TMC5: variants seen among roughly 807,000 people sequenced by gnomAD.
TMC5 encodes transmembrane channel like 5.
TMC5 carries 86 observed loss-of-function variants against 110.5 expected under a neutral mutation model. The observed-to-expected ratio is 0.78, with a 90% CI of 0.65 to 0.93. TMC5 has a LOEUF of 0.93. Among genes scored for constraint, TMC5 ranks in the 40% least tolerant of loss-of-function variants. The pLI is 0.00. For missense variants in TMC5, 1,144 were observed against 1,222.8 expected, an observed-to-expected ratio of 0.94 and a Z score of 0.96; for synonymous variants, 455 against 439.5, an observed-to-expected ratio of 1.04 and a Z score of -0.44.
intron 5 of TMC5, among the ~76,000 whole-genome samples, chr16:19,458,032 G>A (rs1967930756): frequency 6.6e-6 from 1 of 151,568 alleles, no homozygotes; most frequent in Admixed American, 6.6e-5. Flanking sequence ...CCAGCCTCAA[G>A]CCTGCATCCT....
intron 1 of TMC5, among the ~76,000 whole-genome samples, chr16:19,420,448 TAAA>T (rs567734674): frequency 2.0e-5 from 3 of 150,144 alleles, no homozygotes; most frequent in Non-Finnish European, 3.0e-5. Flanking sequence ...TAAAAAAAAT[TAAA>T]AATCAACTAA....
At chr16:19,478,120 C>T (rs1260755640) in intron 13 of TMC5, among the ~76,000 whole-genome samples, 1 of 152,212 alleles carries the variant, frequency 6.6e-6, no homozygotes, top group Admixed American at 6.5e-5. Context: ...AAGCCAGCCT[C>T]CCTGGCCTTC....
Position 19,460,246 on chromosome 16 carries a change from A to T in TMC5, c.1060A>T (p.Ile354Phe). The change falls in exon 6 of 22, where the codon ATC becomes TTC. Residue 354 changes from isoleucine to phenylalanine, a missense_variant. Ile to Phe is a conservative substitution (Grantham distance 21, BLOSUM62 0). Transcript: ENST00000542583. ...WHKSPQGQKL[I>F]ASLIPMTSRD... ...AATTTCTTTCATAGGACAGAAGTTA[A>T]TCGCATCCCTTATACCCATGACATC... The T allele has an allele frequency of 6.2e-7, 1 of 1,612,120 alleles. No homozygotes were observed. The highest frequency in any genetic ancestry group is 8.5e-7 in the Non-Finnish European group (1 of 1,178,680).
intron 12 of TMC5, 22 bp downstream of exon 12, chr16:19,474,298 A>G: frequency 6.2e-7 from 1 of 1,607,730 alleles, no homozygotes; most frequent in Non-Finnish European, 8.5e-7. Context: ...GTCGCGCCCA[A>G]CACCAGCCTC....
intron 1 of TMC5, among the ~76,000 whole-genome samples, chr16:19,428,650 T>C (rs1967134625): frequency 6.6e-6 from 1 of 152,222 alleles, no homozygotes; most frequent in African/African-American, 2.4e-5. Context: ...AGCTTCTGAC[T>C]CTTTCTCACT....
intron 3 of TMC5, among the ~76,000 whole-genome samples, chr16:19,443,864 AATGG>A (rs1967546443): frequency 2.8e-5 from 4 of 140,738 alleles, no homozygotes. Context: ...CAGATGAATC[AATGG>A]ATGGATGAAT....
chr16:19,483,778 CAAAAAGAAAA>C (rs1403055298), intron 15 of TMC5, among the ~76,000 whole-genome samples: 3 of 122,190 alleles, frequency 2.5e-5, no homozygotes, highest in African/African-American at 1.4e-4. Flanking sequence ...AACTCTGTCT[CAAAAAGAAAA>C]GAAAAGAAAA....
exon 1 of TMC5, chr16:19,411,170 C>T (rs1966854979): frequency 6.6e-6 from 1 of 152,108 alleles, no homozygotes; most frequent in African/African-American, 2.4e-5. Flanking sequence ...TCACCATGTC[C>T]GATCCGGTAA....
rs1241620498 is a variant in TMC5 at position 19,472,166 on chromosome 16, G to C, written c.1861G>C (p.Val621Leu). ...GCTGACCCGCTTCTCTGCCTACATG[G>C]TAGCCTGGGTTGTCTCTACAGGAGT... ...QLLTRFSAYM[V>L]AWVVSTGVAI... Residue 621 changes from valine to leucine, a missense_variant, in exon 11 of 22, where the codon GTA becomes CTA. Physicochemically the swap from Val to Leu is conservative, Grantham distance 32. Coordinates refer to ENST00000542583, the MANE Select transcript of TMC5 (RefSeq NM_001261841.2). 6.2e-7 allele frequency: 1 copy of C among 1,614,190 alleles called. No homozygotes were observed. The highest frequency in any genetic ancestry group is 2.2e-5 in the East Asian group (1 of 44,876).
intron 17 of TMC5, among the ~76,000 whole-genome samples, chr16:19,489,583 C>G (rs927067631): frequency 6.6e-6 from 1 of 151,846 alleles, no homozygotes; most frequent in Non-Finnish European, 1.5e-5. Flanking sequence ...ATCCACCCGC[C>G]TCGGCCTCCC....
At chr16:19,450,462 T>C (rs1162999682) in intron 5 of TMC5, among the ~76,000 whole-genome samples, 2 of 152,220 alleles carry the variant, frequency 1.3e-5, no homozygotes, top group East Asian at 3.8e-4. Context: ...TGGTTTCCCA[T>C]CCATTTCTCA....
chr16:19,459,456 CA>C (rs1967965269), intron 5 of TMC5, among the ~76,000 whole-genome samples: 1 of 151,976 alleles, frequency 6.6e-6, no homozygotes, highest in African/African-American at 2.4e-5. Context: ...AACCTGGGGT[CA>C]GGGGCAAAAG....
chr16:19,498,052 G>T lies in TMC5; in HGVS notation c.*86G>T. Reference sequence around the variant, plus strand: ...TCTTCCATGCCACCTGTGCCTTTAGGAACTGCCCAGAAGAAAATCCAAGGC... The same window carrying T: ...TCTTCCATGCCACCTGTGCCTTTAGTAACTGCCCAGAAGAAAATCCAAGGC... On this transcript the variant is annotated 3_prime_UTR_variant, in exon 22 of 22. Transcript: ENST00000542583. The T allele has an allele frequency of 7.6e-7, 1 of 1,314,524 alleles. No homozygotes were observed. The highest frequency in any genetic ancestry group is 1.2e-5 in the South Asian group (1 of 84,878). The allele number at this position is 1,314,524 out of a possible 1,614,324, so 81.4% of individuals were successfully genotyped here.
chr16:19,454,542 C>A (rs916036668), intron 5 of TMC5, among the ~76,000 whole-genome samples: 5 of 152,104 alleles, frequency 3.3e-5, no homozygotes, highest in Non-Finnish European at 7.3e-5. Context: ...TACTTCATAG[C>A]GTAAATGTTG....
At chr16:19,476,377 A>G (rs1009846091) in intron 12 of TMC5, among the ~76,000 whole-genome samples, 2 of 151,828 alleles carry the variant, frequency 1.3e-5, no homozygotes, top group Admixed American at 6.6e-5. Context: ...GAGAGAGAGA[A>G]AGAAAGAAAG....
intron 2 of TMC5, among the ~76,000 whole-genome samples, chr16:19,431,549 A>G (rs113678651): frequency 2.6e-5 from 4 of 151,730 alleles, no homozygotes; most frequent in African/African-American, 9.7e-5. Flanking sequence ...TCTCAGAAAA[A>G]AAAAAAAAAA....
intron 1 of TMC5, among the ~76,000 whole-genome samples, chr16:19,421,433 GCA>G (rs1045936259): frequency 5.3e-5 from 8 of 152,022 alleles, no homozygotes; most frequent in African/African-American, 1.9e-4. Flanking sequence ...CAGTTCCCCT[GCA>G]CACACGCTCT....
chr16:19,490,769 T>TTCCTTCTTTCCCTTCC (rs1447162337), intron 18 of TMC5, among the ~76,000 whole-genome samples: 44 of 46,626 alleles, frequency 9.4e-4, no homozygotes, highest in African/African-American at 1.7e-3. Context: ...CTTCCCTTCC[T>TTCCTTCTTTCCCTTCC]TTTTTTCTTT....
intron 9 of TMC5, among the ~76,000 whole-genome samples, chr16:19,469,118 G>A (rs1968259217): frequency 6.6e-6 from 1 of 152,118 alleles, no homozygotes; most frequent in Non-Finnish European, 1.5e-5. Context: ...AGCAGCAACA[G>A]GGAACTGGGT....
Sources: allele counts gnomAD v4.1 joint callset (sites outside exome capture counted in the v4.1 genomes callset), GRCh38; gene constraint gnomAD v4.1.1; transcripts MANE v1.5; gene names NCBI Gene and HGNC (gene_info 2026-07-23, HGNC 2026-07-21).